Variants in KCND3 observed in about 807,000 individuals in gnomAD.
KCND3 encodes potassium voltage-gated channel subfamily D member 3, also known as A-type voltage-gated potassium channel KCND3.
A neutral mutation model predicts 51.1 loss-of-function variants in KCND3; 9 were observed. That is an observed-to-expected ratio of 0.18 (90% CI 0.11 to 0.31). The LOEUF is 0.31. KCND3 is among the 10% of genes least tolerant of loss of function. KCND3 has a pLI of 1.00. For missense variants in KCND3, 526 were observed against 903.8 expected (o/e 0.58, Z 5.36); for synonymous variants, 349 against 368.0 (o/e 0.95, Z 0.59).
intron 3 of KCND3, among the ~76,000 whole-genome samples, chr1:111,785,153 G>A (rs1037880025): frequency 2.6e-5 from 4 of 152,200 alleles, no homozygotes; most frequent in African/African-American, 7.2e-5. Context: ...GTGCACAGCC[G>A]TGGGCTAGTG....
intron 2 of KCND3, among the ~76,000 whole-genome samples, chr1:111,930,611 C>A (rs977456114): frequency 6.6e-5 from 10 of 150,960 alleles, no homozygotes. Flanking sequence ...CCACCCCCAA[C>A]CCCCTTCTCA....
intron 2 of KCND3, among the ~76,000 whole-genome samples, chr1:111,828,792 G>A (rs1666698035): frequency 6.6e-6 from 1 of 152,192 alleles, no homozygotes; most frequent in Non-Finnish European, 1.5e-5. Context: ...CCCAGCCACT[G>A]CTGCATGAGG....
At chr1:111,847,094 C>A (rs1168164976) in intron 2 of KCND3, among the ~76,000 whole-genome samples, 1 of 152,164 alleles carries the variant, frequency 6.6e-6, no homozygotes, top group Non-Finnish European at 1.5e-5. Flanking sequence ...TCATGCCTGA[C>A]CAAAATAAAA....
At chr1:111,809,540 C>T (rs910551787) in intron 2 of KCND3, among the ~76,000 whole-genome samples, 2 of 152,140 alleles carry the variant, frequency 1.3e-5, no homozygotes, top group African/African-American at 4.8e-5. Context: ...AATCTCCTGA[C>T]CTCATGATCT....
Position 111,884,915 on chromosome 1 carries a change from TG to T in KCND3, c.1106+96705del, listed in dbSNP as rs1334869851. ...TCTTTGTTGGGGGTGAGTATGGCGA[TG>T]GGGGCGGTCCTGTGCATTGTGAAAT... On this transcript the variant is annotated intron_variant, in intron 2 of 7. Transcript: ENST00000302127. Among the ~76,000 whole-genome samples the T allele has an allele frequency of 2.0e-5, 3 of 152,250 alleles. No individual in the cohort carries two copies. The East Asian group carries it at 5.8e-4, about 29-fold the overall frequency.
chr1:111,923,450 G>A (rs536642633), intron 2 of KCND3, among the ~76,000 whole-genome samples: 1 of 152,246 alleles, frequency 6.6e-6, no homozygotes, highest in South Asian at 2.1e-4. Flanking sequence ...ACTTCCTCTG[G>A]TTCTCCAACA....
chr1:111,886,158 T>A (rs1669562649), intron 2 of KCND3, among the ~76,000 whole-genome samples: 1 of 152,200 alleles, frequency 6.6e-6, no homozygotes. Context: ...GAGGTTCATG[T>A]GAAAATCAGG....
At chr1:111,961,298 G>C (rs1557749129) in intron 2 of KCND3, among the ~76,000 whole-genome samples, 1 of 152,260 alleles carries the variant, frequency 6.6e-6, no homozygotes, top group Non-Finnish European at 1.5e-5. Flanking sequence ...AGACCCGGCT[G>C]GCACAATGTT....
At chr1:111,853,762 TA>T (rs982261600) in intron 2 of KCND3, 7 of 152,230 alleles carry the variant, frequency 4.6e-5, no homozygotes, top group African/African-American at 1.4e-4. Context: ...CAGCACCTAG[TA>T]GGTGCTCAAT....
At chr1:111,921,459 G>A (rs1227115439) in intron 2 of KCND3, among the ~76,000 whole-genome samples, 1 of 152,204 alleles carries the variant, frequency 6.6e-6, no homozygotes, top group East Asian at 1.9e-4. Flanking sequence ...AGGATTATGG[G>A]GACCAGCAAG....
chr1:111,929,099 G>T (rs187288361), intron 2 of KCND3, among the ~76,000 whole-genome samples: 1 of 152,206 alleles, frequency 6.6e-6, no homozygotes, highest in African/African-American at 2.4e-5. Flanking sequence ...CAAGCACCTG[G>T]TGTAATAATT....
rs1462503680 is a variant in KCND3 at position 111,786,971 on chromosome 1, C to T, written c.1242G>A (p.Gln414=). The T allele has an allele frequency of 1.9e-6, 3 of 1,614,108 alleles. No individual in the cohort carries two copies. The highest frequency in any genetic ancestry group is 1.3e-5 in the African/African-American group (1 of 74,938). Residue 414 remains glutamine, a synonymous_variant, in exon 3 of 8, where the codon CAG becomes CAA. Coordinates refer to ENST00000302127, the MANE Select transcript of KCND3 (RefSeq NM_001378969.1). ...SNFSRIYHQN[Q]RADKRRAQKK... ...TTTGTGCCCTGCGTTTATCAGCTCT[C>T]TGATTCTGGTGGTAAATCCGGCTAA...
At chr1:111,926,537 G>A (rs764642917) in intron 2 of KCND3, among the ~76,000 whole-genome samples, 8 of 152,250 alleles carry the variant, frequency 5.3e-5, no homozygotes, top group Non-Finnish European at 1.2e-4. Context: ...AGGGTGCAAG[G>A]TGAGCCCTGG....
intron 2 of KCND3, among the ~76,000 whole-genome samples, chr1:111,946,058 C>T (rs942492994): frequency 2.0e-5 from 3 of 152,208 alleles, no homozygotes; most frequent in African/African-American, 7.2e-5. Context: ...TGATGTACAG[C>T]ACTCGACCCA....
At chr1:111,865,123 CATGCTGTGACTTT>C in intron 2 of KCND3, among the ~76,000 whole-genome samples, 1 of 152,328 alleles carries the variant, frequency 6.6e-6, no homozygotes, top group South Asian at 2.1e-4. Flanking sequence ...GTGGGTGAAC[CATGCTGTGACTTT>C]AAGCTGTTAT....
chr1:111,811,346 CAAGGAATTT>C (rs1665838936), intron 2 of KCND3, among the ~76,000 whole-genome samples: 1 of 152,070 alleles, frequency 6.6e-6, no homozygotes, highest in African/African-American at 2.4e-5. Context: ...AAAGAGAGGT[CAAGGAATTT>C]AGACAAAACC....
rs79917232 is a variant in KCND3, at chr1:111,796,875, C to G, written c.1107-9769G>C. 9.4e-3 allele frequency among the ~76,000 whole-genome samples: 1,429 copies of G among 152,314 alleles called. 21 individuals are homozygous for G. Among genetic ancestry groups the G allele is most frequent in the African/African-American group, 0.033 (1,363 of 41,568 alleles). ...GAGTCCTGCGAAAAGGGGTGGGCGA[C>G]CCTTCCAGATCATTGCTGTGGTTTG... On this transcript the variant is annotated intron_variant, in intron 2 of 7. Transcript: ENST00000302127.
At chr1:111,977,030 CAG>C (rs1429753378) in intron 2 of KCND3, among the ~76,000 whole-genome samples, 1 of 152,190 alleles carries the variant, frequency 6.6e-6, no homozygotes, top group Non-Finnish European at 1.5e-5. Context: ...GAAATGTCAA[CAG>C]AGAAATGTCA....
At chr1:111,932,918 C>T (rs1672049394) in intron 2 of KCND3, among the ~76,000 whole-genome samples, 1 of 152,190 alleles carries the variant, frequency 6.6e-6, no homozygotes, top group Non-Finnish European at 1.5e-5. Flanking sequence ...CTATTAGCTG[C>T]TTGACTTTCA....
Sources: allele counts gnomAD v4.1 joint callset (sites outside exome capture counted in the v4.1 genomes callset), GRCh38; gene constraint gnomAD v4.1.1; transcripts MANE v1.5; gene names NCBI Gene and HGNC (gene_info 2026-07-23, HGNC 2026-07-21).